Variants in DDX10 observed in about 807,000 individuals in gnomAD.
DDX10 encodes DEAD-box helicase 10.
Under a neutral mutation model 104.3 loss-of-function variants are expected in DDX10, and 74 were observed. The ratio of observed to expected loss-of-function variants is 0.71; its 90% confidence interval spans 0.59 to 0.86. The LOEUF (loss-of-function observed/expected upper bound fraction) is 0.86, where lower values mean the gene tolerates loss of function less well. Ranked by LOEUF, DDX10 falls within the 40% of genes least tolerant of loss-of-function variation. The pLI, the probability that DDX10 is intolerant of heterozygous loss-of-function variation, is 0.00. For synonymous variants in DDX10, 351 were observed against 353.4 expected (o/e 0.99, Z 0.08); for missense variants, 952 against 1,040.0 (o/e 0.92, Z 1.16).
chr11:108,744,981 A>G (rs2094329568), intron 13 of DDX10, among the ~76,000 whole-genome samples: 1 of 151,586 alleles, frequency 6.6e-6, no homozygotes, highest in Non-Finnish European at 1.5e-5. Context: ...GAAGGGTAGA[A>G]GAGCTCTATA....
intron 1 of DDX10, among the ~76,000 whole-genome samples, chr11:108,671,987 G>C (rs1418190804): frequency 2.6e-5 from 4 of 151,114 alleles, no homozygotes; most frequent in Admixed American, 2.6e-4. Flanking sequence ...CGTGAACCCG[G>C]GAGGTGGAGC....
intron 13 of DDX10, among the ~76,000 whole-genome samples, chr11:108,786,164 A>C (rs906647906): frequency 1.3e-5 from 2 of 151,974 alleles, no homozygotes; most frequent in African/African-American, 4.8e-5. Flanking sequence ...TATTTTTGAG[A>C]AATCTTCTTT....
intron 13 of DDX10, among the ~76,000 whole-genome samples, chr11:108,811,718 TCTGA>T (rs1862184608): frequency 6.6e-6 from 1 of 152,148 alleles, no homozygotes; most frequent in Non-Finnish European, 1.5e-5. Context: ...TCTTCCAAAC[TCTGA>T]CTGTGGCTCT....
Position 108,872,820 on chromosome 11 carries a change from TC to T in DDX10, c.2304+20620del, listed in dbSNP as rs33959241. Among the ~76,000 whole-genome samples the T allele has an allele frequency of 3.5e-3, 509 of 145,214 alleles. 10 individuals are homozygous for T. Among genetic ancestry groups the T allele is most frequent in the Admixed American group, 0.03 (432 of 14,332 alleles). ...TAAAAATATGGATGCTAATTTCCGT[TC>T]CCCCCCCCTCCCATTTCCCTTTCTC... On this transcript the variant is annotated intron_variant, in intron 16 of 17. Transcript: ENST00000322536.
chr11:108,700,772 T>C (rs1015460728), intron 9 of DDX10, among the ~76,000 whole-genome samples: 3 of 152,232 alleles, frequency 2.0e-5, no homozygotes, highest in African/African-American at 7.2e-5. Flanking sequence ...GGGTTAATTG[T>C]ATCTAACTCT....
In DDX10 at chr11:108,719,752, T is replaced by G. The variant is rs1591800421; in HGVS notation, c.1411-45T>G. ...TTCTTATATTTTGGTCTAAACTCATTTTTAATTTCTATTATATTGTACTTT... is the reference window on the plus strand; with the variant it reads ...TTCTTATATTTTGGTCTAAACTCATGTTTAATTTCTATTATATTGTACTTT... On this transcript the variant is annotated intron_variant, in intron 11 of 17. Coordinates refer to ENST00000322536, the MANE Select transcript of DDX10 (RefSeq NM_004398.4). The G allele has an allele frequency of 3.9e-6, 5 of 1,274,258 alleles. No individual in the cohort carries two copies. In the South Asian group the frequency reaches 6.5e-5, roughly 16 times the overall value. The allele number at this position is 1,274,258 out of a possible 1,614,324, so 78.9% of individuals were successfully genotyped here. A position where few individuals can be genotyped will look rare whatever the true frequency, so the allele number is the denominator to read the frequency against.
At chr11:108,857,066 T>C (rs1862880011) in intron 16 of DDX10, among the ~76,000 whole-genome samples, 1 of 152,222 alleles carries the variant, frequency 6.6e-6, no homozygotes, top group Non-Finnish European at 1.5e-5. Context: ...TGAAAGCAAG[T>C]GAATGACTTG....
rs75149150 is a variant in DDX10, at chr11:108,777,019, T to A, written c.1965+53557T>A. Among the ~76,000 whole-genome samples the A allele has an allele frequency of 2.0e-5, 3 of 152,204 alleles. 1 individual carries two copies. The South Asian group carries it at 6.2e-4, about 31-fold the overall frequency. On this transcript the variant is annotated intron_variant, in intron 13 of 17. Coordinates refer to ENST00000322536, the MANE Select transcript of DDX10 (RefSeq NM_004398.4). Reference sequence around the variant, plus strand: ...CATGCTGTGCCAGCTTTCTGACTTATGGAATTGTGAGTGAATAAGTGGATA... The same window carrying A: ...CATGCTGTGCCAGCTTTCTGACTTAAGGAATTGTGAGTGAATAAGTGGATA...
At chr11:108,731,948 G>A (rs2094312848) in intron 13 of DDX10, among the ~76,000 whole-genome samples, 1 of 152,144 alleles carries the variant, frequency 6.6e-6, no homozygotes. Flanking sequence ...TGTTGCTCAT[G>A]TTTTAGAATT....
intron 16 of DDX10, among the ~76,000 whole-genome samples, chr11:108,875,794 G>T (rs1284614042): frequency 6.6e-6 from 1 of 152,136 alleles, no homozygotes; most frequent in Non-Finnish European, 1.5e-5. Context: ...TTATAAGGAG[G>T]TGGTTACCGT....
intron 13 of DDX10, among the ~76,000 whole-genome samples, chr11:108,774,041 T>C (rs1156733113): frequency 1.3e-5 from 2 of 152,238 alleles, no homozygotes; most frequent in East Asian, 3.8e-4. Flanking sequence ...AGTGCTCTTA[T>C]GACAAACTTC....
rs570519200 is a variant in DDX10 at position 108,743,270 on chromosome 11, AG to A, written c.1965+19809del. 1.1e-4 allele frequency among the ~76,000 whole-genome samples: 17 copies of A among 152,308 alleles called. No homozygotes were observed. In the South Asian group the frequency reaches 1.2e-3, roughly 11 times the overall value. The stretch of plus-strand genomic sequence containing the variant: ...TATCCATCGTATAATCAGAACTAAA[AG>A]CAAAAACCACATGATTATCCCAATA... On this transcript the variant is annotated intron_variant, in intron 13 of 17. Transcript: ENST00000322536.
At chr11:108,782,656 A>G (rs1219679523) in intron 13 of DDX10, among the ~76,000 whole-genome samples, 1 of 152,112 alleles carries the variant, frequency 6.6e-6, no homozygotes, top group Non-Finnish European at 1.5e-5. Flanking sequence ...TCCACAAATG[A>G]ATATGTTCCT....
chr11:108,727,127 G>A (rs1378387163), intron 13 of DDX10, among the ~76,000 whole-genome samples: 1 of 151,950 alleles, frequency 6.6e-6, no homozygotes, highest in African/African-American at 2.4e-5. Flanking sequence ...ATATTGGTTT[G>A]CAGTTTTCTT....
At chr11:108,840,812 T>C (rs2134595506) in intron 14 of DDX10, among the ~76,000 whole-genome samples, 1 of 152,292 alleles carries the variant, frequency 6.6e-6, no homozygotes, top group South Asian at 2.1e-4. Flanking sequence ...CAAGGATAAA[T>C]GAACAAGACA....
intron 16 of DDX10, among the ~76,000 whole-genome samples, chr11:108,866,732 A>G (rs1291620761): frequency 6.6e-6 from 1 of 152,218 alleles, no homozygotes; most frequent in African/African-American, 2.4e-5. Context: ...TAGTCCTCAC[A>G]TGTAGGTATT....
chr11:108,757,477 A>G (rs1184483069), intron 13 of DDX10, among the ~76,000 whole-genome samples: 2 of 152,098 alleles, frequency 1.3e-5, no homozygotes, highest in African/African-American at 4.8e-5. Context: ...CATACTTATC[A>G]AGGTTCCTAG....
chr11:108,727,452 C>A (rs2094306725), intron 13 of DDX10, among the ~76,000 whole-genome samples: 1 of 152,042 alleles, frequency 6.6e-6, no homozygotes, highest in South Asian at 2.1e-4. Context: ...TGCTTTGTGT[C>A]CCTTGTCACA....
At chr11:108,918,171 G>GC in intron 17 of DDX10, 153 bp downstream of exon 17, 1 of 737,674 alleles carries the variant, frequency 1.4e-6, no homozygotes, top group Non-Finnish European at 2.2e-6. Flanking sequence ...TCCTGCTGCT[G>GC]TTTTTTTACT....
Sources: allele counts gnomAD v4.1 joint callset (sites outside exome capture counted in the v4.1 genomes callset), GRCh38; gene constraint gnomAD v4.1.1; transcripts MANE v1.5; gene names NCBI Gene and HGNC (gene_info 2026-07-23, HGNC 2026-07-21).